The following C5 variants were observed in gnomAD, a reference collection of about 807,000 sequenced individuals.
C5 encodes C3 and PZP-like alpha-2-macroglobulin domain-containing protein 4.
Under a neutral mutation model 218.8 loss-of-function variants are expected in C5, and 140 were observed. That is an observed-to-expected ratio of 0.64 (90% CI 0.56 to 0.74). C5 has a LOEUF of 0.74. C5 is among the 30% of genes least tolerant of loss of function. The probability of loss-of-function intolerance (pLI) is 0.00; values close to 1 mark genes in which losing one functional copy is unlikely to be tolerated. For synonymous variants in C5, 614 were observed against 682.3 expected (o/e 0.90, Z 1.56); for missense variants, 1,700 against 1,969.6 (o/e 0.86, Z 2.59).
At chr9:120,998,034 C>G (rs2047132238) in intron 20 of C5, among the ~76,000 whole-genome samples, 2 of 152,146 alleles carry the variant, frequency 1.3e-5, no homozygotes, top group African/African-American at 4.8e-5. Flanking sequence ...AACTCCTGAT[C>G]TCAGGTGATC....
chr9:121,014,029 C>G lies in C5; in HGVS notation c.2101G>C (p.Asp701His). The change falls in exon 17 of 41, where the codon GAT becomes CAT. Residue 701 changes from aspartate to histidine, a missense_variant. By Grantham distance (81) the Asp-to-His change is moderately conservative (BLOSUM62 -1). Coordinates refer to ENST00000223642, the MANE Select transcript of C5 (RefSeq NM_001735.3). ...TCATCATTATTAACGCAGGCTCCAT[C>G]GTAACAACATTTCTTCACTACTGAA... Reference protein sequence around the residue: ...KHSVVKKCCYDGACVNNDETC... With the variant: ...KHSVVKKCCYHGACVNNDETC... The G allele has an allele frequency of 6.2e-7, 1 of 1,614,156 alleles. No individual in the cohort carries two copies. The highest frequency in any genetic ancestry group is 8.5e-7 in the Non-Finnish European group (1 of 1,180,024).
chr9:121,010,282 T>A (rs2047251119), intron 17 of C5, among the ~76,000 whole-genome samples: 1 of 152,208 alleles, frequency 6.6e-6, no homozygotes, highest in African/African-American at 2.4e-5. Flanking sequence ...ATGAATTCAA[T>A]AAAGTTGCAG....
chr9:121,016,964 T>G (rs1032192101), intron 14 of C5, among the ~76,000 whole-genome samples: 14 of 152,170 alleles, frequency 9.2e-5, no homozygotes, highest in Admixed American at 8.5e-4. Context: ...GAGAATTGAA[T>G]GATTTTGAGA....
At position 120,976,725 on chromosome 9, in the gene C5, T is replaced by C; in HGVS notation, c.3839A>G (p.Tyr1280Cys). The change falls in exon 29 of 41, where the codon TAT (tyrosine) becomes TGT (cysteine). Residue 1280 changes from tyrosine to cysteine, a missense_variant. Coordinates refer to ENST00000223642, the MANE Select transcript of C5 (RefSeq NM_001735.3). ...CTGGGTTGAATAAAAGCCACCTCCA[T>C]ACCTCTGCTCTTCTGATAGCCATTT... ...VIKWLSEEQR[Y>C]GGGFYSTQDT... is the part of the protein sequence containing the mutation. 1 of 1,614,162 alleles carries C rather than the reference T, an allele frequency of 6.2e-7. No homozygotes were observed. Among genetic ancestry groups the C allele is most frequent in the Non-Finnish European group, 8.5e-7 (1 of 1,179,996 alleles).
At chr9:121,053,823 A>G (rs1269499702), upstream of C5, among the ~76,000 whole-genome samples, 4 of 152,152 alleles carry the variant, frequency 2.6e-5, no homozygotes, top group African/African-American at 7.2e-5. Context: ...GCAGGCGCCT[A>G]GAATTCTGAC....
In C5 at chr9:121,015,255, G is replaced by T; in HGVS notation, c.2003C>A (p.Pro668His). The T allele has an allele frequency of 6.3e-7, 1 of 1,599,938 alleles. No individual in the cohort carries two copies. Among genetic ancestry groups the T allele is most frequent in the Non-Finnish European group, 8.5e-7 (1 of 1,169,648 alleles). ...TCTTGGCCTGAGAATTTCTTTACAA[G>T]GTTCATCTGGTTTTTTTAAAAAAAG... is the stretch of plus-strand genomic sequence containing the variant. Reference protein sequence around the residue: ...NADDSQENDEPCKEILRPRRT... With the variant: ...NADDSQENDEHCKEILRPRRT... Residue 668 changes from proline to histidine, a missense_variant, in exon 16 of 41, where the codon CCT (proline) becomes CAT (histidine). Transcript: ENST00000223642.
In C5 at chr9:120,976,701, T is replaced by G; in HGVS notation, c.3863A>C (p.Gln1288Pro). The G allele has an allele frequency of 6.2e-7, 1 of 1,612,766 alleles. No individual in the cohort carries two copies. The highest frequency in any genetic ancestry group is 8.5e-7 in the Non-Finnish European group (1 of 1,178,726). Reference protein sequence around the residue: ...QRYGGGFYSTQDTINAIEGLT... With the variant: ...QRYGGGFYSTPDTINAIEGLT... The stretch of plus-strand genomic sequence containing the variant: ...TGAAACAAGACAAAGAAATGTTACC[T>G]GGGTTGAATAAAAGCCACCTCCATA... Residue 1288 changes from glutamine (Q) to proline (P), a missense_variant and splice_region_variant, in exon 29 of 41, where the codon CAG (glutamine) becomes CCG (proline). Coordinates refer to ENST00000223642, the MANE Select transcript of C5 (RefSeq NM_001735.3).
upstream of C5, among the ~76,000 whole-genome samples, chr9:121,051,138 T>C (rs570779858): frequency 1.3e-3 from 194 of 151,536 alleles, 1 homozygote; most frequent in Admixed American, 3.9e-3. Context: ...TTTTTTTTTT[T>C]TGGAGACAGA....
At position 121,046,053 on chromosome 9, in the gene C5, G is replaced by A. The variant is rs537724556; in HGVS notation, c.258+138C>T. On this transcript the variant is annotated intron_variant, in intron 2 of 40. Transcript: ENST00000223642. ...AGAATTTTCACTTACATTATCATTA[G>A]TGACTGACATCATCTAATAATCCCA... is the stretch of plus-strand genomic sequence containing the variant. 64 of 442,188 alleles carry A rather than the reference G, an allele frequency of 1.4e-4. 2 individuals carry two copies. In the South Asian group the frequency reaches 3.3e-3, roughly 23 times the overall value. The allele number at this position is 442,188 out of a possible 1,614,324, so 27.4% of individuals were successfully genotyped here.
chr9:121,021,890 A>T (rs1564155371), intron 10 of C5, among the ~76,000 whole-genome samples, 196 bp from the exon 11 acceptor site: 1 of 151,750 alleles, frequency 6.6e-6, no homozygotes, highest in Non-Finnish European at 1.5e-5. Flanking sequence ...GCACAATCAT[A>T]GCGCACTGCA....
At chr9:121,008,130 G>A (rs924598362) in intron 18 of C5, among the ~76,000 whole-genome samples, 26 of 152,044 alleles carry the variant, frequency 1.7e-4, no homozygotes, top group Admixed American at 6.6e-5. Flanking sequence ...ATAGTGTATC[G>A]CACATAGTTG....
At chr9:120,996,451 A>G in intron 21 of C5, 151 bp from the exon 22 acceptor site, 1 of 708,010 alleles carries the variant, frequency 1.4e-6, no homozygotes, top group Non-Finnish European at 2.5e-6. Flanking sequence ...GGATATAAGC[A>G]GCAATAAGAT....
At chr9:121,043,416 T>G (rs1466581684) in intron 2 of C5, among the ~76,000 whole-genome samples, 1 of 152,238 alleles carries the variant, frequency 6.6e-6, no homozygotes, top group African/African-American at 2.4e-5. Context: ...TTTATATACA[T>G]TTAGTGAAAC....
intron 20 of C5, among the ~76,000 whole-genome samples, chr9:121,002,254 GTATATA>G: frequency 1.5e-5 from 1 of 65,996 alleles, no homozygotes; most frequent in East Asian, 4.9e-4. Context: ...GTATATATAT[GTATATA>G]TGTATATATA....
chr9:120,975,248 C>T (rs2046944496), intron 29 of C5, among the ~76,000 whole-genome samples: 1 of 152,186 alleles, frequency 6.6e-6, no homozygotes, highest in Non-Finnish European at 1.5e-5. Flanking sequence ...TCTTCCTCAT[C>T]CTTTAGTCTG....
At chr9:121,048,429 C>G (rs934758272) in intron 1 of C5, among the ~76,000 whole-genome samples, 2 of 152,146 alleles carry the variant, frequency 1.3e-5, no homozygotes, top group African/African-American at 4.8e-5. Context: ...ACCGCACATG[C>G]GAGGGATCTA....
At chr9:120,995,405 AATACATGT>A (rs2047108726) in intron 22 of C5, among the ~76,000 whole-genome samples, 1 of 152,166 alleles carries the variant, frequency 6.6e-6, no homozygotes, top group Non-Finnish European at 1.5e-5. Context: ...AAATTTCATA[AATACATGT>A]ATATGTATTT....
intron 9 of C5, 102 bp downstream of exon 9, chr9:121,025,352 T>C: frequency 8.0e-7 from 1 of 1,251,352 alleles, no homozygotes; most frequent in Non-Finnish European, 1.1e-6. Context: ...CAATGTGAAA[T>C]AATTATAGAA....
the C5 span, among the ~76,000 whole-genome samples, chr9:121,057,213 C>T: frequency 6.6e-6 from 1 of 152,014 alleles, no homozygotes; most frequent in African/African-American, 2.4e-5. Flanking sequence ...ATAGGAAATG[C>T]TAAAGGAAGT....
Sources: allele counts gnomAD v4.1 joint callset (sites outside exome capture counted in the v4.1 genomes callset), GRCh38; gene constraint gnomAD v4.1.1; transcripts MANE v1.5; gene names NCBI Gene and HGNC (gene_info 2026-07-23, HGNC 2026-07-21).